Variants in RNF38 observed in about 807,000 individuals in gnomAD.
RNF38 encodes the protein ring finger protein 38, also known as E3 ubiquitin-protein ligase RNF38.
RNF38 carries 15 observed loss-of-function variants against 67.2 expected under a neutral mutation model. The observed-to-expected ratio is 0.22, with a 90% confidence interval of 0.15 to 0.34. The LOEUF (loss-of-function observed/expected upper bound fraction) is 0.34. Ranked by LOEUF, RNF38 falls within the 10% of genes least tolerant of loss-of-function variation. The pLI, the probability that RNF38 is intolerant of heterozygous loss-of-function variation, is 1.00. For synonymous variants in RNF38, 220 were observed against 218.8 expected, an observed-to-expected ratio of 1.01 and a Z score of -0.05; for missense variants, 524 against 639.9, an observed-to-expected ratio of 0.82 and a Z score of 1.95.
intron 3 of RNF38, among the ~76,000 whole-genome samples, chr9:36,374,602 G>A (rs560877943): frequency 5.3e-5 from 8 of 152,162 alleles, no homozygotes; most frequent in East Asian, 1.9e-4. Context: ...AGATTCGCCC[G>A]TCTCAGCCTC....
At chr9:36,377,334 C>T (rs1038209543) in intron 2 of RNF38, among the ~76,000 whole-genome samples, 2 of 152,090 alleles carry the variant, frequency 1.3e-5, no homozygotes, top group African/African-American at 4.8e-5. Flanking sequence ...TCATCTTATA[C>T]CACTGCAAAA....
intron 1 of RNF38, among the ~76,000 whole-genome samples, chr9:36,392,564 C>G (rs1837191349): frequency 6.6e-6 from 1 of 151,782 alleles, no homozygotes; most frequent in Non-Finnish European, 1.5e-5. Flanking sequence ...TAGAGAAAAC[C>G]CCATCTCTAC....
At chr9:36,418,672 G>A (rs764576286) in intron 2 of RNF38, among the ~76,000 whole-genome samples, 1 of 152,144 alleles carries the variant, frequency 6.6e-6, no homozygotes, top group Non-Finnish European at 1.5e-5. Flanking sequence ...TGTAATCCCA[G>A]CAACTCAGGA....
chr9:36,441,208 A>AT (rs149565243), intron 1 of RNF38, among the ~76,000 whole-genome samples: 2,865 of 152,254 alleles, frequency 0.019, 62 homozygotes, highest in Non-Finnish European at 0.029. Context: ...GCAGACACTT[A>AT]TTGTGACCTT....
At chr9:36,356,278 C>A (rs1320484980) in intron 6 of RNF38, 25 bp downstream of exon 6, 1 of 1,611,018 alleles carries the variant, frequency 6.2e-7, no homozygotes, top group Admixed American at 1.7e-5. Context: ...ACTAAACATT[C>A]TGACATAATA....
upstream of RNF38, among the ~76,000 whole-genome samples, chr9:36,404,249 CATGAGTTT>C (rs1838129092): frequency 6.6e-6 from 1 of 152,194 alleles, no homozygotes; most frequent in Non-Finnish European, 1.5e-5. Flanking sequence ...GCCACATATG[CATGAGTTT>C]GTTTCTGGGT....
intron 1 of RNF38, chr9:36,487,296 G>C: frequency 4.1e-6 from 4 of 985,114 alleles, no homozygotes; most frequent in Non-Finnish European, 4.8e-6. Flanking sequence ...GGCCCGCTCC[G>C]GGACCCCGTA....
intron 1 of RNF38, among the ~76,000 whole-genome samples, chr9:36,483,681 G>T (rs1252724922): frequency 6.6e-6 from 1 of 152,110 alleles, no homozygotes; most frequent in Admixed American, 6.5e-5. Context: ...CTCAAATGTT[G>T]GTCACAAGCT....
At chr9:36,365,368 A>G (rs1017410094) in intron 4 of RNF38, among the ~76,000 whole-genome samples, 12 of 151,960 alleles carry the variant, frequency 7.9e-5, no homozygotes, top group Non-Finnish European at 1.8e-4. Flanking sequence ...GGAGTTTGAG[A>G]CTAGCCTGGC....
At chr9:36,372,688 C>A in intron 3 of RNF38, 1 of 519,042 alleles carries the variant, frequency 1.9e-6, no homozygotes. Context: ...TAAATACTCT[C>A]TACTACTCTT....
intron 1 of RNF38, among the ~76,000 whole-genome samples, chr9:36,478,292 T>C (rs911574442): frequency 6.7e-6 from 1 of 149,968 alleles, no homozygotes; most frequent in Non-Finnish European, 1.5e-5. Context: ...TAGTCCCAGC[T>C]ACTCGGGAGG....
chr9:36,360,461 G>T lies in RNF38; in HGVS notation c.571-2519C>A, dbSNP rs80021128. On this transcript the variant is annotated intron_variant, in intron 4 of 11. Transcript: ENST00000259605. ...GGACCAGAAGCATTTTGGATTTTTT[G>T]GAATTTTAGAAAATCTGCATTATAC... is the stretch of plus-strand genomic sequence containing the variant. Among the ~76,000 whole-genome samples, 1,143 of 152,112 alleles carry T rather than the reference G, an allele frequency of 7.5e-3. 15 individuals are homozygous for T. Among genetic ancestry groups the T allele is most frequent in the African/African-American group, 0.025 (1,049 of 41,520 alleles).
intron 1 of RNF38, among the ~76,000 whole-genome samples, chr9:36,484,533 T>G (rs968750807): frequency 4.6e-5 from 7 of 152,284 alleles, no homozygotes; most frequent in African/African-American, 1.7e-4. Flanking sequence ...AAATCTTAAT[T>G]TACGATTACC....
intron 3 of RNF38, among the ~76,000 whole-genome samples, chr9:36,371,634 T>C (rs1413764905): frequency 6.6e-6 from 1 of 151,860 alleles, no homozygotes; most frequent in African/African-American, 2.4e-5. Context: ...GTATTTTTAG[T>C]AAAAACAGAG....
chr9:36,434,732 T>C (rs1839023084), intron 1 of RNF38, among the ~76,000 whole-genome samples: 1 of 152,160 alleles, frequency 6.6e-6, no homozygotes, highest in Non-Finnish European at 1.5e-5. Context: ...TAAAAGTACA[T>C]CTCACAAACA....
chr9:36,443,513 A>C (rs77736219), intron 1 of RNF38, among the ~76,000 whole-genome samples: 5,908 of 152,284 alleles, frequency 0.039, 353 homozygotes, highest in African/African-American at 0.13. Flanking sequence ...ACAATACAAC[A>C]ACCACTCAGT....
chr9:36,444,798 T>C (rs1357833814), intron 1 of RNF38, among the ~76,000 whole-genome samples: 1 of 151,972 alleles, frequency 6.6e-6, no homozygotes, highest in Non-Finnish European at 1.5e-5. Flanking sequence ...GAAAACCCTG[T>C]CTCAAAAAAA....
At position 36,457,445 on chromosome 9, in the gene RNF38, C is replaced by T. The variant is rs146970670; in HGVS notation, n.241+29863G>A. 1.2e-3 allele frequency among the ~76,000 whole-genome samples: 188 copies of T among 152,360 alleles called. 2 individuals carry two copies. The highest frequency in any genetic ancestry group is 4.5e-3 in the Admixed American group (69 of 15,296). ...ATGCATCTATCCCTCCAACTGAGTT[C>T]TGCTTACACCATTAGATTCTGAAAG... is the stretch of plus-strand genomic sequence containing the variant. On this transcript the variant is annotated intron_variant and non_coding_transcript_variant, in intron 1 of 3. Coordinates refer to the RNF38 transcript ENST00000488058.
In RNF38 at chr9:36,440,390, G is replaced by A. The variant is rs367946280; in HGVS notation, n.242-15707C>T. Among the ~76,000 whole-genome samples, 16 of 152,238 alleles carry A rather than the reference G, an allele frequency of 1.1e-4. No individual in the cohort carries two copies. In the East Asian group the frequency reaches 1.7e-3, roughly 17 times the overall value. ...CTACTAAAAATACAAAATTAACCGC[G>A]TGTGGTGGCAGGTGCCTGTATTCCC... On this transcript the variant is annotated intron_variant and non_coding_transcript_variant, in intron 1 of 3. Coordinates refer to the RNF38 transcript ENST00000488058.
Sources: allele counts gnomAD v4.1 joint callset (sites outside exome capture counted in the v4.1 genomes callset), GRCh38; gene constraint gnomAD v4.1.1; transcripts MANE v1.5; gene names NCBI Gene and HGNC (gene_info 2026-07-23, HGNC 2026-07-21).